The following ACKR3 variants were observed in gnomAD, a reference collection of about 807,000 sequenced individuals.
ACKR3 encodes atypical chemokine receptor 3, also known as C-X-C chemokine receptor type 7.
In ACKR3, 6 loss-of-function variants were observed where a neutral mutation model predicts 22.4. That is an observed-to-expected ratio of 0.27 (90% CI 0.15 to 0.53). ACKR3 has a LOEUF of 0.53. Ranked by LOEUF, ACKR3 falls within the 20% of genes least tolerant of loss-of-function variation. The pLI is 0.96. For missense variants in ACKR3, 396 were observed against 475.2 expected (o/e 0.83, Z 1.55); for synonymous variants, 209 against 205.2 (o/e 1.02, Z -0.16).
chr2:236,560,924 A>G, the ACKR3 span, among the ~76,000 whole-genome samples: 3 of 152,208 alleles, frequency 2.0e-5, no homozygotes, highest in Admixed American at 6.5e-5. Flanking sequence ...TTGTCAGGTG[A>G]ATGGATAAAG....
At position 236,574,999 on chromosome 2, in the gene ACKR3, C is replaced by T. The variant is rs76584428; in HGVS notation, c.-27+5075C>T. 6.6e-6 allele frequency among the ~76,000 whole-genome samples: 1 copy of T among 151,994 alleles called. No homozygotes were observed. Among genetic ancestry groups the T allele is most frequent in the South Asian group, 2.1e-4 (1 of 4,812 alleles). On this transcript the variant is annotated intron_variant, in intron 1 of 1. Transcript: ENST00000272928. This position sits in a 1 kb window ranked among gnomAD's most constrained non-coding sequence, Gnocchi z 5.6. ...CTGTCACTGCAACGTGCGACAGGGC[C>T]GCTAAAAAGGTGACCCCTGTACGAA...
the ACKR3 span, among the ~76,000 whole-genome samples, chr2:236,542,483 A>C: frequency 6.6e-6 from 1 of 152,160 alleles, no homozygotes; most frequent in African/African-American, 2.4e-5. Context: ...CCTGCTGTAG[A>C]CAGACTTGCC....
chr2:236,544,032 C>A, the ACKR3 span, among the ~76,000 whole-genome samples: 1 of 132,732 alleles, frequency 7.5e-6, no homozygotes, highest in South Asian at 2.6e-4. This position sits in a 1 kb window ranked among gnomAD's most constrained non-coding sequence, Gnocchi z 5.0. Flanking sequence ...GCTCTGTCAC[C>A]CAGGCTGGAA....
rs560044240 is a variant in ACKR3 at position 236,570,346 on chromosome 2, G to A, written c.-27+422G>A. On this transcript the variant is annotated intron_variant, in intron 1 of 1. Coordinates refer to ENST00000272928, the MANE Select transcript of ACKR3 (RefSeq NM_020311.3). ...GTTTTGCTTCTAGTATATCAGTTTG[G>A]AAACAGATAAAATTGGCAGTAAATA... is the stretch of plus-strand genomic sequence containing the variant. Among the ~76,000 whole-genome samples the A allele has an allele frequency of 2.1e-4, 32 of 152,330 alleles. No individual in the cohort carries two copies. The South Asian group carries it at 4.1e-3, about 20-fold the overall frequency.
chr2:236,543,713 C>G, the ACKR3 span, among the ~76,000 whole-genome samples: 21 of 151,816 alleles, frequency 1.4e-4, no homozygotes, highest in Non-Finnish European at 1.8e-4. Context: ...GATGTTTGAA[C>G]TACTACCTTG....
At chr2:236,540,541 A>T in the ACKR3 span, among the ~76,000 whole-genome samples, 1 of 152,080 alleles carries the variant, frequency 6.6e-6, no homozygotes, top group African/African-American at 2.4e-5. Context: ...TTTTACATTA[A>T]TGTTTAGTGT....
upstream of ACKR3, among the ~76,000 whole-genome samples, chr2:236,563,693 A>AGTGC (rs956018792): frequency 2.6e-5 from 4 of 152,130 alleles, no homozygotes; most frequent in Non-Finnish European, 1.5e-5. Flanking sequence ...TGCCATAGAC[A>AGTGC]GTGCGGTGGA....
upstream of ACKR3, among the ~76,000 whole-genome samples, chr2:236,567,328 T>C (rs73129901): frequency 1.0e-3 from 153 of 152,284 alleles, 1 homozygote; most frequent in African/African-American, 3.3e-3. Flanking sequence ...AGGGCTCCCA[T>C]GCCGCGTGAA....
chr2:236,559,585 G>A, the ACKR3 span, among the ~76,000 whole-genome samples: 1 of 152,114 alleles, frequency 6.6e-6, no homozygotes, highest in Non-Finnish European at 1.5e-5. Context: ...TGAACATTCT[G>A]CAACTTGCTT....
Position 236,577,147 on chromosome 2 carries a change from T to G in ACKR3, c.-26-3293T>G, listed in dbSNP as rs908298376. On this transcript the variant is annotated intron_variant, in intron 1 of 1. Transcript: ENST00000272928. The surrounding 1 kb of genome is among the most constrained non-coding windows in gnomAD (Gnocchi z 5.6). ...TTAATGATTGAGGATCGGTGATCGG[T>G]GAGTGATGATAGGTGGCCGGTGATC... Among the ~76,000 whole-genome samples, 2 of 151,902 alleles carry G rather than the reference T, an allele frequency of 1.3e-5. No homozygotes were observed. Among genetic ancestry groups the G allele is most frequent in the African/African-American group, 4.8e-5 (2 of 41,340 alleles).
the ACKR3 span, among the ~76,000 whole-genome samples, chr2:236,539,306 CTTTTTTT>C: frequency 2.4e-3 from 290 of 120,742 alleles, 1 homozygote; most frequent in Non-Finnish European, 3.2e-3. Context: ...TTTTTCTTTT[CTTTTTTT>C]TTTTTTTTTT....
the ACKR3 span, among the ~76,000 whole-genome samples, chr2:236,548,082 C>A: frequency 6.6e-6 from 1 of 152,170 alleles, no homozygotes; most frequent in Admixed American, 6.5e-5. This position sits in a 1 kb window ranked among gnomAD's most constrained non-coding sequence, Gnocchi z 4.3. Context: ...TCCCATTTCC[C>A]ATGTCTATGT....
the ACKR3 span, among the ~76,000 whole-genome samples, chr2:236,540,061 G>C: frequency 6.6e-6 from 1 of 152,150 alleles, no homozygotes; most frequent in African/African-American, 2.4e-5. Context: ...ACAGCCAACT[G>C]TATCATATAG....
chr2:236,571,867 A>G (rs1327397575), intron 1 of ACKR3, among the ~76,000 whole-genome samples: 1 of 152,160 alleles, frequency 6.6e-6, no homozygotes, highest in East Asian at 1.9e-4. Flanking sequence ...TTTGTAGAAC[A>G]TGAGGGGAAT....
At chr2:236,563,568 G>T (rs1194979169), upstream of ACKR3, among the ~76,000 whole-genome samples, 1 of 152,162 alleles carries the variant, frequency 6.6e-6, no homozygotes. Flanking sequence ...CACATAACAG[G>T]CCAGAAAGAG....
Position 236,574,569 on chromosome 2 carries a change from C to G in ACKR3, c.-27+4645C>G, listed in dbSNP as rs528120205. Among the ~76,000 whole-genome samples, 1 of 152,208 alleles carries G rather than the reference C, an allele frequency of 6.6e-6. No individual in the cohort carries two copies. Among genetic ancestry groups the G allele is most frequent in the Non-Finnish European group, 1.5e-5 (1 of 67,998 alleles). ...ATGTGGAAGGGAGTTTGGAGGGACACTGGCCAGGTGCCTGAACACGTGGCA... is the reference window on the plus strand; with the variant it reads ...ATGTGGAAGGGAGTTTGGAGGGACAGTGGCCAGGTGCCTGAACACGTGGCA... On this transcript the variant is annotated intron_variant, in intron 1 of 1. Transcript: ENST00000272928. This position sits in a 1 kb window ranked among gnomAD's most constrained non-coding sequence, Gnocchi z 5.6.
the ACKR3 span, among the ~76,000 whole-genome samples, chr2:236,539,644 C>T: frequency 6.6e-6 from 1 of 152,122 alleles, no homozygotes; most frequent in Non-Finnish European, 1.5e-5. Context: ...GCATGAGCCA[C>T]CACATCCAGC....
chr2:236,565,756 A>G (rs1691164614), upstream of ACKR3, among the ~76,000 whole-genome samples: 3 of 152,290 alleles, frequency 2.0e-5, no homozygotes, highest in Admixed American at 6.5e-5. Flanking sequence ...CAGTGTGTAT[A>G]TATCAGGGTT....
chr2:236,580,374 CTT>C (rs1290199210), intron 1 of ACKR3, 64 bp from the exon 2 acceptor site: 1 of 1,522,282 alleles, frequency 6.6e-7, no homozygotes, highest in African/African-American at 1.4e-5. Context: ...TTGCCTGAAA[CTT>C]GAGTTTTTCC....
Sources: allele counts gnomAD v4.1 joint callset (sites outside exome capture counted in the v4.1 genomes callset), GRCh38; gene constraint gnomAD v4.1.1; non-coding constraint Gnocchi (gnomAD v3.1); transcripts MANE v1.5; gene names NCBI Gene and HGNC (gene_info 2026-07-23, HGNC 2026-07-21).